BCAS3: variants seen among roughly 807,000 people sequenced by gnomAD.
BCAS3 encodes BCAS3 microtubule associated cell migration factor, also known as BCAS4/BCAS3 fusion.
In BCAS3, 53 loss-of-function variants were observed where a neutral mutation model predicts 116.1. The observed-to-expected ratio is 0.46, with a 90% CI of 0.37 to 0.57. The LOEUF (loss-of-function observed/expected upper bound fraction) is 0.57. Among genes scored for constraint, BCAS3 ranks in the 20% least tolerant of loss-of-function variants. The probability of loss-of-function intolerance (pLI) is 0.00; values close to 1 mark genes in which losing one functional copy is unlikely to be tolerated. For synonymous variants in BCAS3, 391 were observed against 408.2 expected, an observed-to-expected ratio of 0.96 and a Z score of 0.51; for missense variants, 917 against 1,165.4, an observed-to-expected ratio of 0.79 and a Z score of 3.10.
At chr17:60,977,084 A>G (rs2062444371) in intron 14 of BCAS3, among the ~76,000 whole-genome samples, 3 of 151,508 alleles carry the variant, frequency 2.0e-5, no homozygotes, top group South Asian at 4.2e-4. Flanking sequence ...CACCTCCCGG[A>G]CGGGGTGGCT....
intron 7 of BCAS3, among the ~76,000 whole-genome samples, chr17:60,813,545 G>A (rs1246119685): frequency 6.6e-6 from 1 of 152,134 alleles, no homozygotes; most frequent in Non-Finnish European, 1.5e-5. Context: ...GTGAATATTT[G>A]TGAATCTATA....
chr17:61,245,916 T>G (rs945204560), intron 22 of BCAS3, among the ~76,000 whole-genome samples: 19 of 152,194 alleles, frequency 1.2e-4, no homozygotes, highest in Admixed American at 1.2e-3. Flanking sequence ...GGTCCATTAT[T>G]GGTGCACTCA....
intron 9 of BCAS3, among the ~76,000 whole-genome samples, chr17:60,882,508 T>C: frequency 6.6e-6 from 1 of 152,130 alleles, no homozygotes; most frequent in Non-Finnish European, 1.5e-5. Flanking sequence ...GGACATGAAG[T>C]CCTTGCCCAT....
chr17:60,681,854 C>T (rs76113015), intron 2 of BCAS3, among the ~76,000 whole-genome samples: 3 of 152,080 alleles, frequency 2.0e-5, no homozygotes, highest in African/African-American at 4.8e-5. Context: ...CTCAGCCTCC[C>T]GATTAGCTGG....
At chr17:60,758,076 T>TAA (rs1427584890) in intron 6 of BCAS3, among the ~76,000 whole-genome samples, 1 of 152,194 alleles carries the variant, frequency 6.6e-6, no homozygotes, top group African/African-American at 2.4e-5. Context: ...AATACATGGA[T>TAA]TTATTTCTAG....
intron 14 of BCAS3, among the ~76,000 whole-genome samples, chr17:60,958,832 C>T (rs1567966521): frequency 6.6e-6 from 1 of 152,134 alleles, no homozygotes; most frequent in African/African-American, 2.4e-5. Context: ...TGACCATTCC[C>T]ACACATGTGG....
intron 11 of BCAS3, among the ~76,000 whole-genome samples, chr17:60,906,205 G>A (rs2058180196): frequency 2.6e-5 from 4 of 152,128 alleles, no homozygotes; most frequent in Admixed American, 2.0e-4. Context: ...CTCACTAACT[G>A]CCTAAATAAT....
intron 6 of BCAS3, among the ~76,000 whole-genome samples, chr17:60,794,522 T>G (rs1466134170): frequency 6.6e-6 from 1 of 152,224 alleles, no homozygotes; most frequent in Non-Finnish European, 1.5e-5. Context: ...TCTCCTAGAA[T>G]TTTTATAGTT....
chr17:60,786,547 G>GTGTATATATA (rs575616960), intron 6 of BCAS3, among the ~76,000 whole-genome samples: 2 of 140,702 alleles, frequency 1.4e-5, no homozygotes, highest in East Asian at 4.3e-4. Flanking sequence ...CTGCAAATGT[G>GTGTATATATA]TATATATATA....
chr17:60,763,349 T>C (rs2043742233), intron 6 of BCAS3, among the ~76,000 whole-genome samples: 1 of 152,240 alleles, frequency 6.6e-6, no homozygotes, highest in African/African-American at 2.4e-5. Flanking sequence ...AAATGGCTCT[T>C]ATTATTTTGA....
At chr17:60,795,032 C>T (rs948369118) in intron 6 of BCAS3, among the ~76,000 whole-genome samples, 11 of 152,056 alleles carry the variant, frequency 7.2e-5, no homozygotes, top group Admixed American at 4.6e-4. Flanking sequence ...TACCCATCTG[C>T]GAGCGTGAGC....
chr17:61,060,562 A>G (rs888393494), intron 19 of BCAS3, among the ~76,000 whole-genome samples: 7 of 152,230 alleles, frequency 4.6e-5, no homozygotes, highest in Non-Finnish European at 1.0e-4. Flanking sequence ...TACTTCATGT[A>G]TTCCACACCC....
Position 60,868,616 on chromosome 17 carries a change from C to T in BCAS3, c.517C>T (p.Arg173Cys), listed in dbSNP as rs773183785. 3.7e-6 allele frequency: 6 copies of T among 1,602,828 alleles called. No homozygotes were observed. The highest frequency in any genetic ancestry group is 3.4e-5 in the South Asian group (3 of 88,954). The change falls in exon 8 of 24, where the codon CGT becomes TGT. Residue 173 changes from arginine (R) to cysteine (C), a missense_variant. Arg to Cys is a radical substitution (Grantham distance 180). Coordinates refer to ENST00000407086, the MANE Select transcript of BCAS3 (RefSeq NM_017679.5). ...CTGTTGTGTGGATCTGTATTCACTT[C>T]GTACTGGGGAGATGGTCAAGTCCAT... is the stretch of plus-strand genomic sequence containing the variant. ...PYCCVDLYSLRTGEMVKSIQF... is the reference protein window; with the variant it reads ...PYCCVDLYSLCTGEMVKSIQF...
chr17:61,386,708 T>C (rs9889520), intron 23 of BCAS3, among the ~76,000 whole-genome samples: 122,177 of 151,840 alleles, frequency 0.8, 49,543 homozygotes, highest in East Asian at 0.93. Flanking sequence ...GGGCCTTTGA[T>C]TGGCCAGACG....
chr17:60,901,646 G>T (rs531344594), intron 10 of BCAS3, among the ~76,000 whole-genome samples: 18 of 152,006 alleles, frequency 1.2e-4, no homozygotes, highest in Non-Finnish European at 1.5e-5. Flanking sequence ...TTGCTTTCAG[G>T]GATGTTTAAA....
chr17:60,929,304 A>C (rs1388451133), intron 13 of BCAS3, among the ~76,000 whole-genome samples: 1 of 152,108 alleles, frequency 6.6e-6, no homozygotes, highest in Non-Finnish European at 1.5e-5. Flanking sequence ...ACGTGCCTGT[A>C]GTCCCAGCTA....
At chr17:60,849,222 G>C (rs1050212004) in intron 7 of BCAS3, among the ~76,000 whole-genome samples, 1 of 151,898 alleles carries the variant, frequency 6.6e-6, no homozygotes, top group Non-Finnish European at 1.5e-5. Flanking sequence ...CTGCAGTCTT[G>C]AGACAGAATT....
intron 22 of BCAS3, among the ~76,000 whole-genome samples, chr17:61,303,361 T>G (rs781079882): frequency 2.6e-5 from 4 of 152,202 alleles, no homozygotes; most frequent in Non-Finnish European, 4.4e-5. Flanking sequence ...GGCCTGGAAC[T>G]TCTGAACGGC....
chr17:60,710,985 T>C (rs959238893), intron 5 of BCAS3, among the ~76,000 whole-genome samples: 2 of 151,852 alleles, frequency 1.3e-5, no homozygotes, highest in African/African-American at 4.8e-5. Flanking sequence ...AACACTTTAA[T>C]GGAGACAGGG....
Sources: allele counts gnomAD v4.1 joint callset (sites outside exome capture counted in the v4.1 genomes callset), GRCh38; gene constraint gnomAD v4.1.1; transcripts MANE v1.5; gene names NCBI Gene and HGNC (gene_info 2026-07-23, HGNC 2026-07-21).